Variants in EVPL observed in about 807,000 individuals in gnomAD.
EVPL encodes 210 kDa cornified envelope precursor protein.
A neutral mutation model predicts 129.7 loss-of-function variants in EVPL; 94 were observed. The observed-to-expected ratio is 0.72, with a 90% CI of 0.61 to 0.86. The LOEUF (loss-of-function observed/expected upper bound fraction) is 0.86, where lower values mean the gene tolerates loss of function less well. EVPL is among the 40% of genes least tolerant of loss of function. EVPL has a pLI of 0.00. For synonymous variants in EVPL, 1,172 were observed against 1,191.1 expected (o/e 0.98, Z 0.33); for missense variants, 2,625 against 2,721.1 (o/e 0.96, Z 0.79).
In EVPL at chr17:76,024,133, G is replaced by T; in HGVS notation, c.99-13C>A. ...CTGGGTGGCAGCCCTAGTGTGTGGA[G>T]GGGACAGCGGGTAGCTCGGTGGAAG... On this transcript the variant is annotated splice_polypyrimidine_tract_variant and intron_variant, in intron 1 of 21. Transcript: ENST00000301607. This position sits in a 1 kb window ranked among gnomAD's most constrained non-coding sequence, Gnocchi z 4.5. 6.2e-7 allele frequency: 1 copy of T among 1,611,698 alleles called. No homozygotes were observed. Among genetic ancestry groups the T allele is most frequent in the Non-Finnish European group, 8.5e-7 (1 of 1,179,006 alleles).
Position 76,011,852 on chromosome 17 carries a change from A to C in EVPL, c.2488T>G (p.Cys830Gly). Reference sequence around the variant, plus strand: ...ACTGCCAGGGTGGGCTCCAAAGAGCAGCGGTAGGTGTCTGCCTGGAGCTCA... The same window carrying C: ...ACTGCCAGGGTGGGCTCCAAAGAGCCGCGGTAGGTGTCTGCCTGGAGCTCA... The part of the protein sequence containing the change: ...DYELQADTYR[C>G]SLEPTLAVSA... The change falls in exon 20 of 22, where the codon TGC (cysteine) becomes GGC (glycine). Residue 830 changes from cysteine to glycine, a missense_variant. By Grantham distance (159) the Cys-to-Gly change is radical. This residue lies in a region of EVPL where 1,024 missense variants were observed against 997.5 expected (regional missense o/e 1.03). Coordinates refer to ENST00000301607, the MANE Select transcript of EVPL (RefSeq NM_001988.4). 1 of 1,613,408 alleles carries C rather than the reference A, an allele frequency of 6.2e-7. No homozygotes were observed.
Position 76,008,233 on chromosome 17 carries a change from TCC to T in EVPL, c.4970_4971del (p.Arg1657HisfsTer65). On this transcript the variant is annotated frameshift_variant, in exon 22 of 22. Coordinates refer to ENST00000301607, the MANE Select transcript of EVPL (RefSeq NM_001988.4). LOFTEE classifies it high-confidence loss of function. The surrounding 1 kb of genome is among the most constrained non-coding windows in gnomAD (Gnocchi z 7.4). ...REKDQIYEKE[R>X]TLRDLHAKVS... is the part of the protein sequence containing the mutation. ...ACCTTGGCGTGGAGGTCCCGGAGCG[TCC>T]GCTCCTTCTCGTAGATCTGGTCCTT... 1 of 1,613,856 alleles carries T rather than the reference TCC, an allele frequency of 6.2e-7. No homozygotes were observed. Among genetic ancestry groups the T allele is most frequent in the Non-Finnish European group, 8.5e-7 (1 of 1,179,988 alleles).
Position 76,022,411 on chromosome 17 carries a change from A to G in EVPL, c.606+2T>C. ...GATGTGACATCCTCCAGGCTCACCTACCGGCCCCACGAGGCTCCGCAGCTG... is the reference window on the plus strand; with the variant it reads ...GATGTGACATCCTCCAGGCTCACCTGCCGGCCCCACGAGGCTCCGCAGCTG... On this transcript the variant is annotated splice_donor_variant, in intron 5 of 21. Transcript: ENST00000301607. LOFTEE classifies it high-confidence loss of function. This position sits in a 1 kb window ranked among gnomAD's most constrained non-coding sequence, Gnocchi z 5.6. The G allele has an allele frequency of 6.2e-7, 1 of 1,613,584 alleles. No homozygotes were observed. The highest frequency in any genetic ancestry group is 1.1e-5 in the South Asian group (1 of 91,050).
At chr17:76,026,820 G>A (rs1452480391) in intron 1 of EVPL, among the ~76,000 whole-genome samples, 6 of 152,238 alleles carry the variant, frequency 3.9e-5, no homozygotes, top group Non-Finnish European at 7.4e-5. Flanking sequence ...CACTTCTCCC[G>A]CGAAGCGGCC....
intron 9 of EVPL, among the ~76,000 whole-genome samples, chr17:76,019,949 A>G (rs1219554651): frequency 1.3e-5 from 2 of 150,690 alleles, no homozygotes; most frequent in African/African-American, 2.5e-5. Flanking sequence ...AACCAGCTAA[A>G]CACAAACCAC....
In EVPL at chr17:76,014,510, G is replaced by A. The variant is rs76498735; in HGVS notation, c.2289C>T (p.Ser763=). 3.2e-3 allele frequency: 5,090 copies of A among 1,612,384 alleles called. 89 individuals are homozygous for A. The African/African-American group carries it at 0.043, about 14-fold the overall frequency. ...QQFKNCKDNL[S]SWLEHLPRSQ... is the part of the protein sequence containing the mutation. ...TGCGGGGCAGGTGCTCCAGCCAGGAGCTCAGGTTATCCTTGCAGTTCTTGA... is the reference window on the plus strand; with the variant it reads ...TGCGGGGCAGGTGCTCCAGCCAGGAACTCAGGTTATCCTTGCAGTTCTTGA... Residue 763 remains serine, a synonymous_variant, in exon 18 of 22, where the codon AGC becomes AGT. Transcript: ENST00000301607.
chr17:76,014,684 C>A, intron 17 of EVPL, 108 bp from the exon 18 acceptor site: 1 of 1,442,954 alleles, frequency 6.9e-7, no homozygotes, highest in South Asian at 1.3e-5. Context: ...GGTCAGGAGG[C>A]CCGAGTGGCC....
rs2066345816 is a variant in EVPL, at chr17:76,008,705, C to A, written c.4500G>T (p.Lys1500Asn). The change falls in exon 22 of 22, where the codon AAG (lysine) becomes AAT (asparagine). Residue 1500 changes from lysine (K) to asparagine (N), a missense_variant. Physicochemically the swap from Lys to Asn is moderately conservative, Grantham distance 94. Transcript: ENST00000301607. This position sits in a 1 kb window ranked among gnomAD's most constrained non-coding sequence, Gnocchi z 7.4. Reference sequence around the variant, plus strand: ...GGACGTCAATCTGGACCTGCAGGTTCTTGCACTCCCGATTCAGCTCGGTTA... The same window carrying A: ...GGACGTCAATCTGGACCTGCAGGTTATTGCACTCCCGATTCAGCTCGGTTA... ...TQVTELNREC[K>N]NLQVQIDVLQ... is the part of the protein sequence containing the mutation. The A allele has an allele frequency of 4.3e-6, 7 of 1,613,628 alleles. No individual in the cohort carries two copies. Among genetic ancestry groups the A allele is most frequent in the Non-Finnish European group, 5.9e-6 (7 of 1,180,026 alleles).
rs959175621 is a variant in EVPL, at chr17:76,022,555, G to A, written c.481-17C>T. The A allele has an allele frequency of 6.9e-6, 11 of 1,592,644 alleles. No individual in the cohort carries two copies. The African/African-American group carries it at 1.3e-4, about 19-fold the overall frequency. ...GACCTGCTTCTGCAGGAGAGCCGGC[G>A]GCTCAGTCCCCAAAGGACCGCGGTG... is the stretch of plus-strand genomic sequence containing the variant. On this transcript the variant is annotated splice_polypyrimidine_tract_variant and intron_variant, in intron 4 of 21. Coordinates refer to ENST00000301607, the MANE Select transcript of EVPL (RefSeq NM_001988.4). The surrounding 1 kb of genome is among the most constrained non-coding windows in gnomAD (Gnocchi z 5.6).
intron 1 of EVPL, among the ~76,000 whole-genome samples, chr17:76,026,366 T>C (rs1267702340): frequency 6.6e-6 from 1 of 151,650 alleles, no homozygotes; most frequent in African/African-American, 2.4e-5. Flanking sequence ...CGAGCCACCA[T>C]GCCTGGCTAT....
rs998731957 is a variant in EVPL at position 76,014,353 on chromosome 17, C to T, written c.2373+73G>A. The T allele has an allele frequency of 6.3e-5, 97 of 1,530,576 alleles. No individual in the cohort carries two copies. In the Admixed American group the frequency reaches 2.1e-3, roughly 33 times the overall value. The allele number at this position is 1,530,576 out of a possible 1,614,324, so 94.8% of individuals were successfully genotyped here. On this transcript the variant is annotated intron_variant, in intron 18 of 21. Coordinates refer to ENST00000301607, the MANE Select transcript of EVPL (RefSeq NM_001988.4). ...CTCCGTGGCCTGGGCTTTGAAGCCCCTTAGAGCGCTTCTGAGCTTTGGCCA... is the reference window on the plus strand; with the variant it reads ...CTCCGTGGCCTGGGCTTTGAAGCCCTTTAGAGCGCTTCTGAGCTTTGGCCA...
Position 76,008,532 on chromosome 17 carries a change from C to G in EVPL, c.4673G>C (p.Arg1558Pro), listed in dbSNP as rs148554122. ...CCGGTCAATGCGCTCCCGCAGGCGC[C>G]GTGCCTCCTCCTCCCGGGCCTGCCG... ...TARQAREEEA[R>P]RLRERIDRAE... Residue 1558 changes from arginine to proline, a missense_variant, in exon 22 of 22, where the codon CGG (arginine) becomes CCG (proline). Arg to Pro is a moderately radical substitution (Grantham distance 103). This residue lies in a region of EVPL where 1,453 missense variants were observed against 1,511.8 expected (regional missense o/e 0.96). Coordinates refer to ENST00000301607, the MANE Select transcript of EVPL (RefSeq NM_001988.4). The surrounding 1 kb of genome is among the most constrained non-coding windows in gnomAD (Gnocchi z 7.4). 5 of 1,606,970 alleles carry G rather than the reference C, an allele frequency of 3.1e-6. No homozygotes were observed. The Admixed American group carries it at 8.3e-5, about 27-fold the overall frequency.
At chr17:76,012,381 G>A (rs911920308) in intron 18 of EVPL, 6 of 330,130 alleles carry the variant, frequency 1.8e-5, no homozygotes, top group South Asian at 5.9e-5. Flanking sequence ...GCTCACAGCA[G>A]CCTCCTGGGT....
At chr17:76,023,197 C>T in intron 4 of EVPL, 95 bp downstream of exon 4, 1 of 1,570,040 alleles carries the variant, frequency 6.4e-7, no homozygotes, top group Non-Finnish European at 8.6e-7. Flanking sequence ...GCCACCCCTA[C>T]ACCCTGACTA....
At position 76,011,612 on chromosome 17, in the gene EVPL, G is replaced by A. The variant is rs542182677; in HGVS notation, c.2625C>T (p.Leu875=). 1.6e-5 allele frequency: 26 copies of A among 1,614,086 alleles called. No individual in the cohort carries two copies. Among genetic ancestry groups the A allele is most frequent in the African/African-American group, 2.7e-5 (2 of 75,036 alleles). ...TTTTTCTAGCAAACTCCAGCTGCTG[G>A]AGCAGCTGCTGCTGTGCTGCTGCAA... ...TEVAAAQQQL[L]QQLEFARKML... The change falls in exon 21 of 22, where the codon CTC becomes CTT. Residue 875 remains leucine (L), a synonymous_variant. Transcript: ENST00000301607.
Position 76,011,567 on chromosome 17 carries a change from T to C in EVPL, c.2661+9A>G, listed in dbSNP as rs1160149820. The C allele has an allele frequency of 6.2e-7, 1 of 1,611,950 alleles. No homozygotes were observed. The highest frequency in any genetic ancestry group is 2.2e-5 in the East Asian group (1 of 44,876). On this transcript the variant is annotated intron_variant, in intron 21 of 21. Coordinates refer to ENST00000301607, the MANE Select transcript of EVPL (RefSeq NM_001988.4). ...TATTGTGGGAAAGCTGTAGGTGTTG[T>C]CTGTGTACCTTCTCCAGCATTTTTC...
chr17:76,021,847 C>T lies in EVPL; in HGVS notation c.807+20G>A. ...ATGGCCCTGGCCGCCCCCACCTGGCCCCGACCTCTGCCAGCCGACCTCGTA... is the reference window on the plus strand; with the variant it reads ...ATGGCCCTGGCCGCCCCCACCTGGCTCCGACCTCTGCCAGCCGACCTCGTA... On this transcript the variant is annotated intron_variant, in intron 7 of 21. Transcript: ENST00000301607. 6.4e-7 allele frequency: 1 copy of T among 1,563,312 alleles called. No homozygotes were observed. The highest frequency in any genetic ancestry group is 8.6e-7 in the Non-Finnish European group (1 of 1,161,180).
chr17:76,018,452 G>T lies in EVPL; in HGVS notation c.1433C>A (p.Ala478Asp). The T allele has an allele frequency of 6.2e-7, 1 of 1,611,624 alleles. No homozygotes were observed. The highest frequency in any genetic ancestry group is 1.7e-5 in the Admixed American group (1 of 59,844). The change falls in exon 12 of 22, where the codon GCC becomes GAC. Residue 478 changes from alanine to aspartate, a missense_variant. Around this residue, in one of 4 missense-constraint regions of EVPL, gnomAD observed 1,024 missense variants for 997.5 expected, o/e 1.03. Transcript: ENST00000301607. ...TATCCCTACACAGACCTACCGGGAG[G>T]CCCTGGCCACAGCATCAGGGTCTGG... ...PAPDPDAVARASRLASELQAL... is the reference protein window; with the variant it reads ...PAPDPDAVARDSRLASELQAL...
chr17:76,016,810 G>T (rs1347660235), intron 14 of EVPL, among the ~76,000 whole-genome samples: 4 of 152,128 alleles, frequency 2.6e-5, no homozygotes, highest in Non-Finnish European at 5.9e-5. Context: ...GGAGGCTGAG[G>T]TGGGAGGATC....
Sources: allele counts gnomAD v4.1 joint callset (sites outside exome capture counted in the v4.1 genomes callset), GRCh38; gene constraint gnomAD v4.1.1; regional missense constraint gnomAD v4.1.1; non-coding constraint Gnocchi (gnomAD v3.1); transcripts MANE v1.5; gene names NCBI Gene and HGNC (gene_info 2026-07-23, HGNC 2026-07-21).